CCR9: variants seen among roughly 807,000 people sequenced by gnomAD.
CCR9 encodes C-C motif chemokine receptor 9, also known as C-C chemokine receptor type 9.
In CCR9, 4 loss-of-function variants were observed where a neutral mutation model predicts 8.7. That is an observed-to-expected ratio of 0.46 (90% CI 0.23 to 1.06). The LOEUF (loss-of-function observed/expected upper bound fraction) is 1.06, where lower values mean the gene tolerates loss of function less well. CCR9 is among the 50% of genes least tolerant of loss of function. The probability of loss-of-function intolerance (pLI) is 0.21; values close to 1 mark genes in which losing one functional copy is unlikely to be tolerated. For synonymous variants in CCR9, 159 were observed against 168.8 expected, an observed-to-expected ratio of 0.94 and a Z score of 0.45; for missense variants, 394 against 453.6, an observed-to-expected ratio of 0.87 and a Z score of 1.19.
At chr3:45,889,767 C>A (rs1185655890) in intron 1 of CCR9, among the ~76,000 whole-genome samples, 1 of 151,436 alleles carries the variant, frequency 6.6e-6, no homozygotes, top group Non-Finnish European at 1.5e-5. Context: ...GACCTCTTTT[C>A]TATCAGCATG....
chr3:45,894,898 T>A lies in CCR9; in HGVS notation c.-28-8T>A. The A allele has an allele frequency of 1.9e-6, 3 of 1,610,724 alleles. No individual in the cohort carries two copies. The highest frequency in any genetic ancestry group is 2.5e-6 in the Non-Finnish European group (3 of 1,177,012). On this transcript the variant is annotated splice_polypyrimidine_tract_variant and splice_region_variant and intron_variant, in intron 1 of 2. Transcript: ENST00000357632. ...CAGTCCACTTTTTGATTTTTGTCCC[T>A]TTTCCAGGAGCAGGCTTGCATCTGA...
At chr3:45,886,229 T>C (rs531702573), upstream of CCR9, among the ~76,000 whole-genome samples, 157 of 152,228 alleles carry the variant, frequency 1.0e-3, 3 homozygotes, top group South Asian at 0.032. Context: ...AGTGTGCACC[T>C]CTGGCAAGCC....
At chr3:45,897,514 C>G (rs936991323) in intron 2 of CCR9, 3 of 1,306,598 alleles carry the variant, frequency 2.3e-6, no homozygotes, top group Non-Finnish European at 3.2e-6. Context: ...GCTGGGTCAC[C>G]CAGGTCCTGG....
intron 1 of CCR9, 61 bp from the exon 2 acceptor site, chr3:45,894,841 TGGCA>T: frequency 9.1e-7 from 1 of 1,098,120 alleles, no homozygotes; most frequent in African/African-American, 1.5e-5. Context: ...TCCATCTTTT[TGGCA>T]TTTGGTTGTT....
chr3:45,887,101 A>G (rs1702003420), intron 1 of CCR9, among the ~76,000 whole-genome samples: 1 of 152,208 alleles, frequency 6.6e-6, no homozygotes, highest in Non-Finnish European at 1.5e-5. Flanking sequence ...ATGTATCTAG[A>G]CAATGGAATA....
At chr3:45,887,908 A>G (rs893568715) in intron 1 of CCR9, among the ~76,000 whole-genome samples, 1 of 151,646 alleles carries the variant, frequency 6.6e-6, no homozygotes, top group Non-Finnish European at 1.5e-5. Flanking sequence ...AGATGATTCA[A>G]GCTCCGTGTA....
rs1371961106 is a variant in CCR9 at position 45,901,430 on chromosome 3, C to A, written c.642C>A (p.Val214=). The A allele has an allele frequency of 6.2e-7, 1 of 1,614,214 alleles. No homozygotes were observed. Among genetic ancestry groups the A allele is most frequent in the Admixed American group, 1.7e-5 (1 of 60,028 alleles). Residue 214 remains valine (V), a synonymous_variant, in exon 3 of 3, where the codon GTC becomes GTA. Coordinates refer to ENST00000357632, the MANE Select transcript of CCR9 (RefSeq NM_031200.3). This position sits in a 1 kb window ranked among gnomAD's most constrained non-coding sequence, Gnocchi z 4.3. ...AGAGCACCAAACTGAAGTCAGCTGT[C>A]TTGACCCTGAAGGTCATTCTGGGGT... The part of the protein sequence containing the change: ...SDESTKLKSA[V]LTLKVILGFF...
Position 45,901,530 on chromosome 3 carries a change from T to C in CCR9, c.742T>C (p.Ser248Pro). 1 of 1,614,202 alleles carries C rather than the reference T, an allele frequency of 6.2e-7. No homozygotes were observed. The highest frequency in any genetic ancestry group is 8.5e-7 in the Non-Finnish European group (1 of 1,180,024). Residue 248 changes from serine to proline, a missense_variant, in exon 3 of 3, where the codon TCC (serine) becomes CCC (proline). Coordinates refer to ENST00000357632, the MANE Select transcript of CCR9 (RefSeq NM_031200.3). The surrounding 1 kb of genome is among the most constrained non-coding windows in gnomAD (Gnocchi z 4.3). Reference sequence around the variant, plus strand: ...CACCCTGATACAAGCCAAGAAGTCTTCCAAGCACAAAGCCCTAAAAGTGAC... The same window carrying C: ...CACCCTGATACAAGCCAAGAAGTCTCCCAAGCACAAAGCCCTAAAAGTGAC... ...IHTLIQAKKS[S>P]KHKALKVTIT... is the part of the protein sequence containing the mutation.
chr3:45,895,099 G>C, intron 2 of CCR9, 145 bp downstream of exon 2: 1 of 861,874 alleles, frequency 1.2e-6, no homozygotes, highest in African/African-American at 1.6e-5. Context: ...GCGCATTGCT[G>C]GGTAGGTTGT....
chr3:45,888,973 C>T (rs1323757797), intron 1 of CCR9, among the ~76,000 whole-genome samples: 1 of 152,136 alleles, frequency 6.6e-6, no homozygotes, highest in Non-Finnish European at 1.5e-5. Context: ...TAATATATTA[C>T]ATGATATATA....
intron 2 of CCR9, among the ~76,000 whole-genome samples, chr3:45,898,296 G>A (rs1279289701): frequency 1.3e-5 from 2 of 152,164 alleles, no homozygotes; most frequent in African/African-American, 4.8e-5. Flanking sequence ...TGGTTCCCGT[G>A]TCCAGCGTTG....
intron 1 of CCR9, among the ~76,000 whole-genome samples, chr3:45,891,630 A>G (rs556934663): frequency 6.6e-6 from 1 of 152,282 alleles, no homozygotes; most frequent in African/African-American, 2.4e-5. Flanking sequence ...ATGCAGCACT[A>G]TCATCGAATT....
Position 45,902,162 on chromosome 3 carries a change from C to A in CCR9, c.*264C>A, listed in dbSNP as rs1044541340. The A allele has an allele frequency of 5.6e-6, 2 of 356,554 alleles. No homozygotes were observed. The highest frequency in any genetic ancestry group is 4.7e-5 in the East Asian group (1 of 21,242). The allele number at this position is 356,554 out of a possible 1,614,324, so 22.1% of individuals were successfully genotyped here. A position where few individuals can be genotyped will look rare whatever the true frequency, so the allele number is the denominator to read the frequency against. On this transcript the variant is annotated 3_prime_UTR_variant, in exon 3 of 3. Transcript: ENST00000357632. ...CTAAGGACCGGCACTGTGGAGCACC[C>A]TGGCTTTGCCACTCGCCGGAGCATC...
upstream of CCR9, among the ~76,000 whole-genome samples, chr3:45,886,193 G>A (rs1701975744): frequency 6.6e-6 from 1 of 152,110 alleles, no homozygotes; most frequent in Non-Finnish European, 1.5e-5. Flanking sequence ...GCCTGCTCAG[G>A]TGACACCACC....
intron 2 of CCR9, chr3:45,897,483 G>A (rs1465575200): frequency 3.5e-6 from 3 of 866,754 alleles, no homozygotes; most frequent in Non-Finnish European, 5.6e-6. Flanking sequence ...AGCTGTGCCT[G>A]CTCACCGGGC....
rs761438083 is a variant in CCR9, at chr3:45,901,610, G to A, written c.822G>A (p.Leu274=). The change falls in exon 3 of 3, where the codon TTG becomes TTA. Residue 274 remains leucine (L), a synonymous_variant. Coordinates refer to ENST00000357632, the MANE Select transcript of CCR9 (RefSeq NM_031200.3). This position sits in a 1 kb window ranked among gnomAD's most constrained non-coding sequence, Gnocchi z 4.3. ...VLSQFPYNCI[L]LVQTIDAYAM... Reference sequence around the variant, plus strand: ...CTCAGTTTCCCTACAACTGCATTTTGTTGGTGCAGACCATTGACGCCTATG... The same window carrying A: ...CTCAGTTTCCCTACAACTGCATTTTATTGGTGCAGACCATTGACGCCTATG... The A allele has an allele frequency of 2.2e-5, 35 of 1,614,084 alleles. No individual in the cohort carries two copies. The highest frequency in any genetic ancestry group is 2.5e-5 in the Non-Finnish European group (30 of 1,180,040).
intron 2 of CCR9, among the ~76,000 whole-genome samples, chr3:45,897,331 C>T (rs1178719649): frequency 1.3e-5 from 2 of 152,194 alleles, no homozygotes; most frequent in East Asian, 3.9e-4. Flanking sequence ...AAAAATATGC[C>T]TGGGGAGTCC....
Position 45,900,979 on chromosome 3 carries a change from T to G in CCR9, c.191T>G (p.Leu64Trp). The G allele has an allele frequency of 6.2e-7, 1 of 1,614,224 alleles. No homozygotes were observed. The highest frequency in any genetic ancestry group is 1.1e-5 in the South Asian group (1 of 91,084). The change falls in exon 3 of 3, where the codon TTG becomes TGG. Residue 64 changes from leucine to tryptophan, a missense_variant. Transcript: ENST00000357632. The surrounding 1 kb of genome is among the most constrained non-coding windows in gnomAD (Gnocchi z 4.7). ...TGGCTCGTGTTCATCGTGGGTGCCT[T>G]GGGCAACAGTCTTGTTATCCTTGTC... is the stretch of plus-strand genomic sequence containing the variant. ...LYWLVFIVGA[L>W]GNSLVILVYW...
chr3:45,901,503 C>G lies in CCR9; in HGVS notation c.715C>G (p.His239Asp). Residue 239 changes from histidine (H) to aspartate (D), a missense_variant, in exon 3 of 3, where the codon CAC (histidine) becomes GAC (aspartate). Coordinates refer to ENST00000357632, the MANE Select transcript of CCR9 (RefSeq NM_031200.3). This position sits in a 1 kb window ranked among gnomAD's most constrained non-coding sequence, Gnocchi z 4.3. ...VMACCYTIII[H>D]TLIQAKKSSK... ...GGCTTGCTGCTATACCATCATCATTCACACCCTGATACAAGCCAAGAAGTC... is the reference window on the plus strand; with the variant it reads ...GGCTTGCTGCTATACCATCATCATTGACACCCTGATACAAGCCAAGAAGTC... 6.2e-7 allele frequency: 1 copy of G among 1,614,204 alleles called. No individual in the cohort carries two copies. The highest frequency in any genetic ancestry group is 8.5e-7 in the Non-Finnish European group (1 of 1,180,026).
Sources: gnomAD v4.1 joint callset for allele counts (sites outside exome capture counted in the v4.1 genomes callset) on GRCh38, gnomAD v4.1.1 for gene constraint, Gnocchi (gnomAD v3.1) non-coding constraint, MANE v1.5 for transcripts, NCBI Gene and HGNC (gene_info 2026-07-23, HGNC 2026-07-21) for gene names.